The following FSHR variants were observed in gnomAD, a reference collection of about 807,000 sequenced individuals.
FSHR encodes follicle-stimulating hormone receptor.
FSHR carries 46 observed loss-of-function variants against 52.1 expected under a neutral mutation model. That is an observed-to-expected ratio of 0.88 (90% CI 0.70 to 1.13). FSHR has a LOEUF of 1.13. Ranked by LOEUF, FSHR falls within the 50% of genes most tolerant of loss-of-function variation. The probability of loss-of-function intolerance (pLI) is 0.00; values close to 1 mark genes in which losing one functional copy is unlikely to be tolerated. For missense variants in FSHR, 964 were observed against 834.6 expected, an observed-to-expected ratio of 1.16 and a Z score of -1.91; for synonymous variants, 399 against 309.6, an observed-to-expected ratio of 1.29 and a Z score of -3.03.
At position 48,989,160 on chromosome 2, in the gene FSHR, A is replaced by G. The variant is rs72875928; in HGVS notation, c.447-106T>C. On this transcript the variant is annotated intron_variant, in intron 5 of 9. Transcript: ENST00000406846. ...ATGCGGTCTTCAGCTGAGGTAATGT[A>G]TTAATATAACTAGTTGTTGTTTAGA... is the stretch of plus-strand genomic sequence containing the variant. The G allele has an allele frequency of 8.4e-3, 6,512 of 771,918 alleles. 296 individuals are homozygous for G. The African/African-American group carries it at 0.099, about 12-fold the overall frequency. The allele number at this position is 771,918 out of a possible 1,614,324, so 47.8% of individuals were successfully genotyped here. A position where few individuals can be genotyped will look rare whatever the true frequency, so the allele number is the denominator to read the frequency against.
intron 2 of FSHR, among the ~76,000 whole-genome samples, chr2:49,050,437 A>G (rs1319785206): frequency 6.6e-6 from 1 of 152,192 alleles, no homozygotes; most frequent in Admixed American, 6.5e-5. Flanking sequence ...TTAGGCACAG[A>G]CATCCTCTCC....
chr2:49,107,312 A>G, intron 1 of FSHR, among the ~76,000 whole-genome samples: 1 of 151,774 alleles, frequency 6.6e-6, no homozygotes, highest in African/African-American at 2.4e-5. Flanking sequence ...TTTGTCTTCC[A>G]TATGATCTCC....
chr2:49,154,335 C>A lies in FSHR; in HGVS notation c.83G>T (p.Arg28Met), dbSNP rs1271382357. Residue 28 changes from arginine (R) to methionine (M), a missense_variant, in exon 1 of 10, where the codon AGG becomes ATG. By Grantham distance (91) the Arg-to-Met change is moderately conservative. Transcript: ENST00000406846. ...CTTGCTCTCTTGGCAGAGAAAAACC[C>A]TGTTAGAGCAGTGACAGATCCGATG... ...CHHRICHCSN[R>M]VFLCQESKVT... 5 of 1,613,872 alleles carry A rather than the reference C, an allele frequency of 3.1e-6. No homozygotes were observed.
intron 1 of FSHR, among the ~76,000 whole-genome samples, chr2:49,105,618 A>G (rs1219567421): frequency 6.6e-6 from 1 of 152,158 alleles, no homozygotes; most frequent in African/African-American, 2.4e-5. Context: ...ATTCTCATCA[A>G]TGTGCCCTGT....
At chr2:49,012,324 T>G (rs1667305781) in intron 4 of FSHR, among the ~76,000 whole-genome samples, 1 of 152,122 alleles carries the variant, frequency 6.6e-6, no homozygotes, top group South Asian at 2.1e-4. Context: ...ATATTGCCTG[T>G]AAATACAATA....
chr2:49,063,882 C>T (rs868496651), intron 2 of FSHR, among the ~76,000 whole-genome samples: 2 of 152,036 alleles, frequency 1.3e-5, no homozygotes, highest in Non-Finnish European at 2.9e-5. Flanking sequence ...ATGTTAATTA[C>T]CCTGATTTGA....
intron 8 of FSHR, among the ~76,000 whole-genome samples, chr2:48,976,233 A>G (rs905184680): frequency 6.6e-6 from 1 of 152,176 alleles, no homozygotes; most frequent in East Asian, 1.9e-4. Flanking sequence ...TTCTGCATCT[A>G]TTGAGATAAT....
chr2:48,968,935 C>T (rs2104009245), intron 8 of FSHR, 52 bp from the exon 9 acceptor site: 1 of 1,553,886 alleles, frequency 6.4e-7, no homozygotes, highest in Non-Finnish European at 8.8e-7. Context: ...CTAAAACTTT[C>T]TGCTCTTGGT....
chr2:49,146,291 T>A (rs570412244), intron 1 of FSHR, among the ~76,000 whole-genome samples: 1 of 152,052 alleles, frequency 6.6e-6, no homozygotes, highest in Non-Finnish European at 1.5e-5. Context: ...GGACAGAATA[T>A]TTGAAACCGA....
intron 2 of FSHR, among the ~76,000 whole-genome samples, chr2:49,034,815 C>T (rs924482553): frequency 1.3e-5 from 2 of 152,120 alleles, no homozygotes; most frequent in African/African-American, 2.4e-5. Flanking sequence ...GATACATGGA[C>T]TCCCAGAGCT....
intron 1 of FSHR, among the ~76,000 whole-genome samples, chr2:49,131,030 G>A (rs1365222724): frequency 6.6e-6 from 1 of 152,116 alleles, no homozygotes; most frequent in Non-Finnish European, 1.5e-5. Flanking sequence ...ATGATTATTG[G>A]AAGGAAGACA....
intron 1 of FSHR, among the ~76,000 whole-genome samples, chr2:49,107,904 T>G (rs143311948): frequency 6.6e-6 from 1 of 152,172 alleles, no homozygotes; most frequent in African/African-American, 2.4e-5. Flanking sequence ...AAATATATTT[T>G]GAGTACACAT....
At chr2:49,002,920 C>G (rs1666957123) in intron 4 of FSHR, among the ~76,000 whole-genome samples, 1 of 152,066 alleles carries the variant, frequency 6.6e-6, no homozygotes, top group South Asian at 2.1e-4. Context: ...TGGTCATTGT[C>G]CAGAGAGACC....
chr2:49,103,830 T>A (rs1430188659), intron 1 of FSHR, among the ~76,000 whole-genome samples: 1 of 152,086 alleles, frequency 6.6e-6, no homozygotes, highest in African/African-American at 2.4e-5. Context: ...TGGATGAAAT[T>A]TGGGATAAAG....
chr2:49,140,230 C>T (rs1348868483), intron 1 of FSHR, among the ~76,000 whole-genome samples: 2 of 152,114 alleles, frequency 1.3e-5, no homozygotes, highest in Non-Finnish European at 2.9e-5. Context: ...ATGGCTTGGT[C>T]ATCCCCTTGG....
intron 2 of FSHR, among the ~76,000 whole-genome samples, chr2:49,058,677 A>G (rs1264189385): frequency 6.6e-6 from 1 of 152,168 alleles, no homozygotes; most frequent in Admixed American, 6.6e-5. Context: ...CTGAAAAAAA[A>G]ATAAAGAAGC....
chr2:48,968,764 G>A lies in FSHR; in HGVS notation c.788C>T (p.Ala263Val), dbSNP rs767298262. The stretch of plus-strand genomic sequence containing the variant: ...ATAGGTGAGGCTGGCTTCCATGAGG[G>A]CGACAAGCTTTTCCAGAGTAGGCAG... ...KKLPTLEKLVALMEASLTYPS... is the reference protein window; with the variant it reads ...KKLPTLEKLVVLMEASLTYPS... The change falls in exon 9 of 10, where the codon GCC (alanine) becomes GTC (valine). Residue 263 changes from alanine to valine, a missense_variant. Physicochemically the swap from Ala to Val is moderately conservative, Grantham distance 64. Coordinates refer to ENST00000406846, the MANE Select transcript of FSHR (RefSeq NM_000145.4). The A allele has an allele frequency of 1.3e-5, 21 of 1,614,026 alleles. No individual in the cohort carries two copies. The highest frequency in any genetic ancestry group is 1.8e-5 in the Non-Finnish European group (21 of 1,180,012).
intron 1 of FSHR, among the ~76,000 whole-genome samples, chr2:49,098,814 TTA>T (rs1670920687): frequency 6.8e-6 from 1 of 146,616 alleles, no homozygotes; most frequent in Non-Finnish European, 1.5e-5. Flanking sequence ...ATATGTATAC[TTA>T]TATATTATTA....
chr2:49,037,608 A>G (rs1348591698), intron 2 of FSHR, among the ~76,000 whole-genome samples: 1 of 152,208 alleles, frequency 6.6e-6, no homozygotes, highest in Non-Finnish European at 1.5e-5. Context: ...TTTTAAAAAA[A>G]TGGAAAATAC....
Sources: gnomAD v4.1 joint callset for allele counts (sites outside exome capture counted in the v4.1 genomes callset) on GRCh38, gnomAD v4.1.1 for gene constraint, MANE v1.5 for transcripts, NCBI Gene and HGNC (gene_info 2026-07-23, HGNC 2026-07-21) for gene names.